Variants in KLRG1 observed in about 807,000 individuals in gnomAD.
The protein encoded by KLRG1 is killer cell lectin like receptor G1.
Under a neutral mutation model 21.8 loss-of-function variants are expected in KLRG1, and 16 were observed. The ratio of observed to expected loss-of-function variants is 0.73; its 90% CI spans 0.50 to 1.11. The LOEUF (loss-of-function observed/expected upper bound fraction) is 1.11. Among genes scored for constraint, KLRG1 ranks in the 50% most tolerant of loss-of-function variants. The pLI, the probability that KLRG1 is intolerant of heterozygous loss-of-function variation, is 0.00. For synonymous variants in KLRG1, 69 were observed against 75.9 expected, an observed-to-expected ratio of 0.91 and a Z score of 0.47; for missense variants, 173 against 218.3, an observed-to-expected ratio of 0.79 and a Z score of 1.31.
At chr12:9,165,923 T>C in the KLRG1 span, 1 of 1,148,824 alleles carries the variant, frequency 8.7e-7, no homozygotes, top group African/African-American at 1.5e-5. Flanking sequence ...TTTACTTAGG[T>C]CTATCCTAAA....
intron 1 of KLRG1, among the ~76,000 whole-genome samples, chr12:8,955,020 T>A (rs1379435157): frequency 2.0e-5 from 3 of 151,840 alleles, no homozygotes; most frequent in African/African-American, 2.4e-5. Context: ...GGGTTCAAGC[T>A]ATTCTTCTGC....
the KLRG1 span, among the ~76,000 whole-genome samples, chr12:9,090,958 A>G: frequency 6.6e-6 from 1 of 152,176 alleles, no homozygotes. Context: ...TAGAGTACTG[A>G]CTTTTGTCAC....
the KLRG1 span, chr12:9,112,063 A>G: frequency 1.1e-5 from 13 of 1,131,216 alleles, no homozygotes; most frequent in South Asian, 1.5e-4. Flanking sequence ...TAATGATACC[A>G]GATTCTTCCT....
chr12:9,162,842 G>T, the KLRG1 span, among the ~76,000 whole-genome samples: 1 of 152,112 alleles, frequency 6.6e-6, no homozygotes, highest in Non-Finnish European at 1.5e-5. Context: ...GTAAATGTGT[G>T]CCATGGTGGT....
At chr12:9,205,025 G>A in the KLRG1 span, among the ~76,000 whole-genome samples, 7 of 152,110 alleles carry the variant, frequency 4.6e-5, no homozygotes, top group South Asian at 2.1e-4. Context: ...TTAAGCCCAC[G>A]AGGTTGAGGC....
At chr12:9,072,556 T>G in the KLRG1 span, 3 of 1,599,406 alleles carry the variant, frequency 1.9e-6, no homozygotes, top group South Asian at 2.2e-5. Context: ...CCCTAACCCT[T>G]TCTCTGATCT....
the KLRG1 span, among the ~76,000 whole-genome samples, chr12:9,212,032 G>A: frequency 6.6e-6 from 1 of 152,218 alleles, no homozygotes; most frequent in African/African-American, 2.4e-5. Context: ...GTGGATGAAT[G>A]TGGCTTCCTC....
chr12:9,115,267 A>T, the KLRG1 span: 1 of 154,150 alleles, frequency 6.5e-6, no homozygotes, highest in Non-Finnish European at 1.4e-5. Context: ...CCTCATCTGC[A>T]AAAGGATTTC....
chr12:9,013,330 A>T (rs1210509597), downstream of KLRG1, among the ~76,000 whole-genome samples: 1 of 152,218 alleles, frequency 6.6e-6, no homozygotes, highest in Non-Finnish European at 1.5e-5. Context: ...AACATCCACA[A>T]GCATCAAGAC....
At chr12:9,080,064 GC>G in the KLRG1 span, 7 of 1,426,188 alleles carry the variant, frequency 4.9e-6, no homozygotes, top group African/African-American at 1.0e-4. Context: ...AGCTGTTAAT[GC>G]CCGGATCCAC....
the KLRG1 span, among the ~76,000 whole-genome samples, chr12:9,048,952 C>A: frequency 6.6e-6 from 1 of 152,132 alleles, no homozygotes; most frequent in South Asian, 2.1e-4. Context: ...GGAGTTGAAC[C>A]TTTGGGGCAG....
At chr12:9,072,386 G>A in the KLRG1 span, 17 of 1,613,952 alleles carry the variant, frequency 1.1e-5, no homozygotes, top group African/African-American at 4.0e-5. Context: ...TTGGAAGCTG[G>A]TGTGGGCTTT....
intron 1 of KLRG1, among the ~76,000 whole-genome samples, chr12:8,963,714 C>T (rs1412088881): frequency 2.6e-5 from 4 of 152,238 alleles, no homozygotes; most frequent in Admixed American, 1.3e-4. Context: ...AATTTCAGAG[C>T]CTGTTATTGG....
the KLRG1 span, among the ~76,000 whole-genome samples, chr12:9,129,057 CTCTT>C: frequency 6.6e-6 from 1 of 152,166 alleles, no homozygotes; most frequent in Non-Finnish European, 1.5e-5. Flanking sequence ...CTTTCTTTCT[CTCTT>C]TCTCTTTTTC....
the KLRG1 span, chr12:9,066,021 A>G: frequency 6.6e-6 from 1 of 152,586 alleles, no homozygotes; most frequent in Non-Finnish European, 1.5e-5. Context: ...CTTGCTGTGG[A>G]AAGGACATCC....
the KLRG1 span, chr12:9,093,712 C>T: frequency 1.0e-3 from 540 of 515,142 alleles, 2 homozygotes; most frequent in African/African-American, 9.4e-3. Context: ...GAGGAGAGGG[C>T]GCTTGGGTCA....
At chr12:9,199,903 A>C in the KLRG1 span, among the ~76,000 whole-genome samples, 1 of 152,220 alleles carries the variant, frequency 6.6e-6, no homozygotes, top group Non-Finnish European at 1.5e-5. Context: ...CTTAGGAGTC[A>C]TAATAACCAA....
the KLRG1 span, chr12:9,158,284 A>C: frequency 1.2e-5 from 16 of 1,297,784 alleles, no homozygotes; most frequent in East Asian, 3.2e-4. Context: ...AGAAAGTGTA[A>C]TACTCTTTCC....
At chr12:9,112,028 C>T in the KLRG1 span, 1 of 864,952 alleles carries the variant, frequency 1.2e-6, no homozygotes, top group Non-Finnish European at 2.0e-6. Context: ...GGATCTTGTG[C>T]TGTTGTAATG....
Sources: allele counts gnomAD v4.1 joint callset (sites outside exome capture counted in the v4.1 genomes callset), GRCh38; gene constraint gnomAD v4.1.1; transcripts MANE v1.5; gene names NCBI Gene and HGNC (gene_info 2026-07-23, HGNC 2026-07-21).